Variants in ENPP2 observed in about 807,000 individuals in gnomAD.
The protein encoded by ENPP2 is autotaxin.
A neutral mutation model predicts 120.2 loss-of-function variants in ENPP2; 51 were observed. That is an observed-to-expected ratio of 0.42 (90% CI 0.34 to 0.54). The LOEUF (loss-of-function observed/expected upper bound fraction) is 0.54, where lower values mean the gene tolerates loss of function less well. ENPP2 is among the 20% of genes least tolerant of loss of function. ENPP2 has a pLI of 0.04. For missense variants in ENPP2, 920 were observed against 1,066.5 expected (o/e 0.86, Z 1.91); for synonymous variants, 365 against 366.4 (o/e 1.00, Z 0.04).
intron 19 of ENPP2, among the ~76,000 whole-genome samples, chr8:119,573,512 C>T (rs1299167520): frequency 6.6e-6 from 1 of 151,594 alleles, no homozygotes; most frequent in African/African-American, 2.4e-5. Flanking sequence ...ATTCAACTTG[C>T]TTCAGAAATT....
chr8:119,593,936 C>G, intron 11 of ENPP2, 76 bp from the exon 12 acceptor site: 1 of 856,630 alleles, frequency 1.2e-6, no homozygotes, highest in Non-Finnish European at 2.0e-6. Context: ...TCTTCTACCC[C>G]TAGAACATTT....
At chr8:119,579,012 C>T (rs1053374761) in intron 19 of ENPP2, among the ~76,000 whole-genome samples, 2 of 152,220 alleles carry the variant, frequency 1.3e-5, no homozygotes, top group African/African-American at 4.8e-5. Context: ...AATTTGACCA[C>T]GTGCATCTTT....
intron 1 of ENPP2, among the ~76,000 whole-genome samples, chr8:119,667,560 A>C (rs1818109513): frequency 6.6e-6 from 1 of 152,182 alleles, no homozygotes; most frequent in Non-Finnish European, 1.5e-5. Context: ...TCTTTCCTAG[A>C]GCATTCCTGC....
At chr8:119,652,552 T>C (rs1419605122) in intron 1 of ENPP2, among the ~76,000 whole-genome samples, 1 of 152,166 alleles carries the variant, frequency 6.6e-6, no homozygotes, top group Non-Finnish European at 1.5e-5. Context: ...GACAGCAGAA[T>C]TGAGATCCCT....
intron 2 of ENPP2, among the ~76,000 whole-genome samples, chr8:119,627,693 C>A (rs1270739154): frequency 3.3e-5 from 5 of 151,944 alleles, no homozygotes; most frequent in Non-Finnish European, 7.4e-5. Flanking sequence ...AAAACCCAGT[C>A]TCTACTAAAA....
intron 20 of ENPP2, among the ~76,000 whole-genome samples, chr8:119,569,935 T>A (rs773625919): frequency 1.1e-4 from 17 of 152,212 alleles, no homozygotes; most frequent in Non-Finnish European, 2.2e-4. Context: ...ATTTATCTCA[T>A]CTTCATCAAA....
At chr8:119,572,322 C>T in intron 19 of ENPP2, 1 of 1,101,680 alleles carries the variant, frequency 9.1e-7, no homozygotes, top group Non-Finnish European at 1.3e-6. Flanking sequence ...ATGGTTACCA[C>T]ACACAGTCCT....
At chr8:119,628,900 A>C (rs891041898) in intron 2 of ENPP2, among the ~76,000 whole-genome samples, 2 of 152,194 alleles carry the variant, frequency 1.3e-5, no homozygotes, top group African/African-American at 4.8e-5. Context: ...TTTAGGGAAA[A>C]TGAGAAAGAA....
chr8:119,612,872 T>C (rs1470242727), intron 8 of ENPP2, among the ~76,000 whole-genome samples: 3 of 152,000 alleles, frequency 2.0e-5, no homozygotes, highest in African/African-American at 7.3e-5. Flanking sequence ...CCTGGGCGAC[T>C]ATACTAAGAT....
chr8:119,668,429 C>CTTTTTTTTTTTT (rs5894492), intron 1 of ENPP2, among the ~76,000 whole-genome samples: 46 of 110,536 alleles, frequency 4.2e-4, no homozygotes, highest in Non-Finnish European at 5.8e-4. Context: ...TTTTCTTTTT[C>CTTTTTTTTTTTT]TTTTTTTTTT....
intron 19 of ENPP2, chr8:119,572,609 T>C (rs1815097313): frequency 5.6e-6 from 1 of 177,214 alleles, no homozygotes; most frequent in Non-Finnish European, 1.2e-5. Context: ...ATTTCCTTTC[T>C]CTCTACCAGA....
intron 24 of ENPP2, among the ~76,000 whole-genome samples, chr8:119,561,100 A>G (rs1340243161): frequency 6.6e-6 from 1 of 152,090 alleles, no homozygotes; most frequent in Non-Finnish European, 1.5e-5. Flanking sequence ...TTCTCCCACT[A>G]TTTGCCCTCA....
intron 19 of ENPP2, among the ~76,000 whole-genome samples, chr8:119,575,015 C>T (rs1812232303): frequency 6.6e-6 from 1 of 152,230 alleles, no homozygotes; most frequent in South Asian, 2.1e-4. Context: ...TTACTCACCA[C>T]TGTATCTTCC....
intron 24 of ENPP2, among the ~76,000 whole-genome samples, chr8:119,558,607 T>G (rs1427094795): frequency 3.3e-5 from 5 of 152,138 alleles, no homozygotes; most frequent in Non-Finnish European, 7.3e-5. Flanking sequence ...GAAGCAGTTC[T>G]TTGCATCTCA....
At chr8:119,625,176 AAC>A (rs1587514947) in intron 3 of ENPP2, among the ~76,000 whole-genome samples, 1 of 152,312 alleles carries the variant, frequency 6.6e-6, no homozygotes, top group East Asian at 1.9e-4. Flanking sequence ...GTGCCAAGCA[AAC>A]ACAGATTGCT....
intron 23 of ENPP2, 147 bp downstream of exon 23, chr8:119,564,676 T>C: frequency 3.3e-6 from 1 of 301,076 alleles, no homozygotes; most frequent in Non-Finnish European, 5.6e-6. Flanking sequence ...AGACGCCGTC[T>C]CAAAAAAATA....
exon 1 of ENPP2, chr8:119,673,330 C>G: frequency 2.6e-6 from 4 of 1,531,558 alleles, no homozygotes; most frequent in Non-Finnish European, 2.6e-6. Context: ...GCCTGGGCTG[C>G]AGCCCCGCGA....
At chr8:119,638,138 C>A (rs1488363701) in intron 2 of ENPP2, among the ~76,000 whole-genome samples, 1 of 152,196 alleles carries the variant, frequency 6.6e-6, no homozygotes, top group Non-Finnish European at 1.5e-5. Context: ...ACCACTTCTA[C>A]TTTAGCCTTG....
chr8:119,577,524 T>C (rs924859289), intron 19 of ENPP2, among the ~76,000 whole-genome samples: 10 of 152,314 alleles, frequency 6.6e-5, no homozygotes, highest in African/African-American at 2.2e-4. Context: ...GAGACAGCGA[T>C]AGGAGAGAGC....
Sources: gnomAD v4.1 joint callset for allele counts (sites outside exome capture counted in the v4.1 genomes callset) on GRCh38, gnomAD v4.1.1 for gene constraint, MANE v1.5 for transcripts, NCBI Gene and HGNC (gene_info 2026-07-23, HGNC 2026-07-21) for gene names.